The following FLNB variants were observed in gnomAD, a reference collection of about 807,000 sequenced individuals.
FLNB encodes the protein filamin B.
Under a neutral mutation model 250.6 loss-of-function variants are expected in FLNB, and 111 were observed. The ratio of observed to expected loss-of-function variants is 0.44; its 90% CI spans 0.38 to 0.52. The LOEUF is 0.52. FLNB is among the 20% of genes least tolerant of loss of function. The probability of loss-of-function intolerance (pLI) is 0.00; values close to 1 mark genes in which losing one functional copy is unlikely to be tolerated. For synonymous variants in FLNB, 1,302 were observed against 1,372.1 expected (o/e 0.95, Z 1.13); for missense variants, 2,869 against 3,447.8 (o/e 0.83, Z 4.20).
chr3:58,139,720 G>A (rs1420221344), intron 29 of FLNB, among the ~76,000 whole-genome samples: 4 of 152,194 alleles, frequency 2.6e-5, no homozygotes, highest in African/African-American at 4.8e-5. Context: ...CTTATTCACA[G>A]AGAAGGGTAC....
intron 1 of FLNB, among the ~76,000 whole-genome samples, chr3:58,067,266 C>T (rs1334510887): frequency 1.3e-5 from 2 of 152,054 alleles, no homozygotes; most frequent in African/African-American, 2.4e-5. Context: ...ACTTGGTGCT[C>T]CTGATCTACT....
At chr3:58,115,044 GCTT>G (rs1175430847) in intron 18 of FLNB, among the ~76,000 whole-genome samples, 1 of 152,078 alleles carries the variant, frequency 6.6e-6, no homozygotes, top group Non-Finnish European at 1.5e-5. Context: ...TATAAACGCG[GCTT>G]CTTATCTCCA....
At chr3:58,149,438 C>T (rs1162271968) in intron 36 of FLNB, 18 of 289,480 alleles carry the variant, frequency 6.2e-5, no homozygotes, top group Non-Finnish European at 9.9e-5. Context: ...GTTAAACCTT[C>T]GGATATGCTG....
At chr3:58,107,069 G>A (rs999624477) in intron 12 of FLNB, among the ~76,000 whole-genome samples, 196 bp downstream of exon 12, 16 of 152,090 alleles carry the variant, frequency 1.1e-4, no homozygotes, top group Middle Eastern at 3.2e-3. Flanking sequence ...TTGCTCTGTC[G>A]CCCAGGCTGG....
rs111653943 is a variant in FLNB, at chr3:58,016,700, T to C, written c.292+7844T>C. 8.4e-3 allele frequency among the ~76,000 whole-genome samples: 1,279 copies of C among 152,272 alleles called. 20 individuals are homozygous for C. The highest frequency in any genetic ancestry group is 0.029 in the African/African-American group (1,200 of 41,558). On this transcript the variant is annotated intron_variant, in intron 1 of 45. Transcript: ENST00000295956. Reference sequence around the variant, plus strand: ...TTTGTGTTTCTACATTTAGTTTTTTTCTTTTTTCCATATTCTTGTTATTCT... The same window carrying C: ...TTTGTGTTTCTACATTTAGTTTTTTCCTTTTTTCCATATTCTTGTTATTCT...
At chr3:58,049,496 C>A (rs982658361) in intron 1 of FLNB, among the ~76,000 whole-genome samples, 1 of 152,168 alleles carries the variant, frequency 6.6e-6, no homozygotes, top group African/African-American at 2.4e-5. Context: ...ATGTCATCAG[C>A]TGGAAGGGCC....
chr3:58,022,822 C>CT (rs745616817), intron 1 of FLNB, among the ~76,000 whole-genome samples: 407 of 144,652 alleles, frequency 2.8e-3, no homozygotes, highest in African/African-American at 7.1e-3. Flanking sequence ...AAATTTGCTT[C>CT]TTTTTTTTTT....
chr3:58,119,656 C>T (rs922455284), intron 19 of FLNB, among the ~76,000 whole-genome samples: 1 of 152,178 alleles, frequency 6.6e-6, no homozygotes, highest in African/African-American at 2.4e-5. Context: ...AACACATGCT[C>T]ATAAAATGAT....
intron 4 of FLNB, among the ~76,000 whole-genome samples, chr3:58,084,349 T>C (rs1281938335): frequency 6.6e-6 from 1 of 152,184 alleles, no homozygotes. Context: ...ATGGACTGAA[T>C]CTAATCAAGG....
intron 20 of FLNB, 57 bp downstream of exon 20, chr3:58,121,560 A>ATGGT: frequency 6.2e-7 from 1 of 1,600,220 alleles, no homozygotes; most frequent in Non-Finnish European, 8.5e-7. Flanking sequence ...ATGACACCAT[A>ATGGT]GTCCTTCTCT....
intron 1 of FLNB, among the ~76,000 whole-genome samples, chr3:58,071,957 G>T (rs9822918): frequency 0.53 from 81,257 of 152,028 alleles, 23,026 homozygotes; most frequent in African/African-American, 0.74. Context: ...AAAAATAGCC[G>T]GTTTCCACCC....
In FLNB at chr3:58,143,551, A is replaced by C; in HGVS notation, c.5363A>C (p.Tyr1788Ser). 6.2e-7 allele frequency: 1 copy of C among 1,614,148 alleles called. No individual in the cohort carries two copies. Among genetic ancestry groups the C allele is most frequent in the Non-Finnish European group, 8.5e-7 (1 of 1,180,020 alleles). ...DNKDGTVTVRYAPTEVGLHEM... is the reference protein window; with the variant it reads ...DNKDGTVTVRSAPTEVGLHEM... ...AAGGACGGCACGGTCACTGTTAGATATGCCCCCACTGAGGTCGGGCTCCAT... is the reference window on the plus strand; with the variant it reads ...AAGGACGGCACGGTCACTGTTAGATCTGCCCCCACTGAGGTCGGGCTCCAT... Residue 1788 changes from tyrosine (Y) to serine (S), a missense_variant, in exon 32 of 46, where the codon TAT becomes TCT. By Grantham distance (144) the Tyr-to-Ser change is moderately radical. Around this residue, in one of 5 missense-constraint regions of FLNB, gnomAD observed 1,084 missense variants for 1,315.5 expected, o/e 0.82. Transcript: ENST00000295956.
intron 1 of FLNB, among the ~76,000 whole-genome samples, chr3:58,062,308 A>G (rs2097179844): frequency 6.6e-6 from 1 of 152,110 alleles, no homozygotes; most frequent in African/African-American, 2.4e-5. Flanking sequence ...CCTTCCCTTA[A>G]TACATCATAG....
At chr3:58,038,938 A>T (rs183558232) in intron 1 of FLNB, among the ~76,000 whole-genome samples, 166 of 152,046 alleles carry the variant, frequency 1.1e-3, no homozygotes, top group African/African-American at 3.8e-3. Flanking sequence ...CTCAAAAGCA[A>T]CAATTGGGCT....
chr3:58,161,334 T>C (rs992920406), intron 42 of FLNB, among the ~76,000 whole-genome samples: 2 of 152,164 alleles, frequency 1.3e-5, no homozygotes, highest in African/African-American at 4.8e-5. Flanking sequence ...TGGGTGAGGA[T>C]TGGTCAGGGC....
chr3:58,133,517 G>C (rs967453650), intron 26 of FLNB, among the ~76,000 whole-genome samples: 2 of 138,978 alleles, frequency 1.4e-5, no homozygotes, highest in African/African-American at 5.5e-5. Flanking sequence ...TAGTTTATTA[G>C]AGGCTTCCTT....
chr3:58,021,443 G>A (rs140255913), intron 1 of FLNB, among the ~76,000 whole-genome samples: 6 of 152,310 alleles, frequency 3.9e-5, no homozygotes, highest in Admixed American at 1.3e-4. Context: ...GGGGCCCTCG[G>A]TGGAGCTTCT....
intron 4 of FLNB, among the ~76,000 whole-genome samples, chr3:58,085,138 C>T (rs1018001320): frequency 6.6e-6 from 1 of 152,190 alleles, no homozygotes; most frequent in African/African-American, 2.4e-5. Flanking sequence ...GCTATGAAAA[C>T]ATGGGTGTAC....
intron 1 of FLNB, among the ~76,000 whole-genome samples, chr3:58,036,775 A>G (rs1022897066): frequency 1.3e-5 from 2 of 152,240 alleles, no homozygotes; most frequent in Non-Finnish European, 2.9e-5. Flanking sequence ...GAGTGAAACC[A>G]TAAACTAAAT....
Sources: allele counts gnomAD v4.1 joint callset (sites outside exome capture counted in the v4.1 genomes callset), GRCh38; gene constraint gnomAD v4.1.1; regional missense constraint gnomAD v4.1.1; transcripts MANE v1.5; gene names NCBI Gene and HGNC (gene_info 2026-07-23, HGNC 2026-07-21).